PLSCR5: variants seen among roughly 807,000 people sequenced by gnomAD.
PLSCR5 encodes the protein phospholipid scramblase family member 5, also known as phospholipid scramblase family, member 5.
Under a neutral mutation model 33.6 loss-of-function variants are expected in PLSCR5, and 44 were observed. That is an observed-to-expected ratio of 1.31 (90% CI 1.03 to 1.69). The LOEUF is 1.69. Among genes scored for constraint, PLSCR5 ranks in the 40% most tolerant of loss-of-function variants. PLSCR5 has a pLI of 0.00. For missense variants in PLSCR5, 375 were observed against 318.7 expected, an observed-to-expected ratio of 1.18 and a Z score of -1.34; for synonymous variants, 148 against 112.3, an observed-to-expected ratio of 1.32 and a Z score of -2.01.
At chr3:146,596,363 A>G (rs1320814806) in intron 2 of PLSCR5, among the ~76,000 whole-genome samples, 2 of 151,954 alleles carry the variant, frequency 1.3e-5, no homozygotes, top group African/African-American at 4.8e-5. Context: ...TAATTTTCGT[A>G]TTTTTAGTAG....
chr3:146,587,852 T>TTGTATATGTATA (rs143802677), intron 6 of PLSCR5, among the ~76,000 whole-genome samples: 19 of 151,824 alleles, frequency 1.3e-4, no homozygotes, highest in African/African-American at 4.6e-4. Context: ...ATATACATAC[T>TTGTATATGTATA]TGTATATGTA....
chr3:146,603,029 A>G (rs921995612), intron 1 of PLSCR5, among the ~76,000 whole-genome samples: 2 of 152,110 alleles, frequency 1.3e-5, no homozygotes, highest in Non-Finnish European at 2.9e-5. Flanking sequence ...CTCAGTTCAG[A>G]TCACCGTGTT....
At chr3:146,601,119 T>C (rs762877487) in intron 1 of PLSCR5, among the ~76,000 whole-genome samples, 67 of 151,574 alleles carry the variant, frequency 4.4e-4, no homozygotes, top group Non-Finnish European at 6.8e-4. Context: ...CTAAAATTTT[T>C]AGAGAAGACA....
At chr3:146,589,836 T>C (rs771760826) in intron 5 of PLSCR5, 22 bp from the exon 6 acceptor site, 2 of 1,460,998 alleles carry the variant, frequency 1.4e-6, no homozygotes, top group Non-Finnish European at 1.9e-6. Context: ...AAATAAGGAG[T>C]ATTAAATTTG....
At chr3:146,602,631 T>A (rs2044827717) in intron 1 of PLSCR5, among the ~76,000 whole-genome samples, 1 of 152,102 alleles carries the variant, frequency 6.6e-6, no homozygotes, top group Non-Finnish European at 1.5e-5. Flanking sequence ...TTAAAAACCA[T>A]GTGTAGGGAT....
intron 1 of PLSCR5, among the ~76,000 whole-genome samples, chr3:146,603,019 C>T (rs2044832275): frequency 6.6e-6 from 1 of 152,096 alleles, no homozygotes; most frequent in Non-Finnish European, 1.5e-5. Flanking sequence ...ACAGCTCTTG[C>T]TCAGTTCAGA....
intron 5 of PLSCR5, 102 bp from the exon 6 acceptor site, chr3:146,589,916 G>A (rs1026557274): frequency 6.2e-5 from 44 of 710,338 alleles, no homozygotes; most frequent in Non-Finnish European, 9.3e-5. Context: ...TATTTTATTT[G>A]TCATCTTCAA....
rs375134945 is a variant in PLSCR5, at chr3:146,591,893, G to A, written c.454-12C>T. ...GCTTGGATTTCTAACTGTAAGAAGA[G>A]ATAATGATAAAATAAGATTTTCTTA... On this transcript the variant is annotated splice_polypyrimidine_tract_variant and intron_variant, in intron 4 of 7. Transcript: ENST00000443512. The A allele has an allele frequency of 1.3e-6, 2 of 1,561,804 alleles. No homozygotes were observed. The highest frequency in any genetic ancestry group is 1.7e-6 in the Non-Finnish European group (2 of 1,153,740).
At chr3:146,594,443 CA>C (rs1268826080) in intron 3 of PLSCR5, among the ~76,000 whole-genome samples, 1 of 151,830 alleles carries the variant, frequency 6.6e-6, no homozygotes, top group African/African-American at 2.4e-5. Flanking sequence ...ATTTATAGCT[CA>C]AAAAATAATT....
chr3:146,604,982 A>C (rs1203536370), intron 1 of PLSCR5, among the ~76,000 whole-genome samples: 1 of 152,100 alleles, frequency 6.6e-6, no homozygotes, highest in Admixed American at 6.6e-5. Flanking sequence ...GATAACTAAA[A>C]CATCGTTTAC....
At chr3:146,587,865 T>C (rs1165072850) in intron 6 of PLSCR5, among the ~76,000 whole-genome samples, 1 of 151,946 alleles carries the variant, frequency 6.6e-6, no homozygotes, top group Non-Finnish European at 1.5e-5. Context: ...TATATGTATA[T>C]GTATATGTAT....
At chr3:146,578,105 A>T (rs942029150) in intron 7 of PLSCR5, among the ~76,000 whole-genome samples, 1 of 152,124 alleles carries the variant, frequency 6.6e-6, no homozygotes, top group African/African-American at 2.4e-5. Context: ...TGGTTAAGCT[A>T]AAATTAATAT....
chr3:146,601,249 A>G (rs960039106), intron 1 of PLSCR5, among the ~76,000 whole-genome samples: 1 of 151,994 alleles, frequency 6.6e-6, no homozygotes, highest in Non-Finnish European at 1.5e-5. Flanking sequence ...ATAACCCCTA[A>G]TAAGGTGGTA....
intron 1 of PLSCR5, among the ~76,000 whole-genome samples, chr3:146,603,055 C>G (rs1021137465): frequency 6.6e-6 from 1 of 152,066 alleles, no homozygotes; most frequent in Non-Finnish European, 1.5e-5. Context: ...GCAACTTGCT[C>G]TTAAATTGTG....
chr3:146,588,777 TA>T (rs199929759), intron 6 of PLSCR5, among the ~76,000 whole-genome samples: 8,476 of 152,224 alleles, frequency 0.056, 236 homozygotes, highest in African/African-American at 0.061. Flanking sequence ...CTGTGATGTG[TA>T]AAAAAATTCC....
In PLSCR5 at chr3:146,599,389, CAGCT is replaced by C. The variant is rs148096560; in HGVS notation, c.189+895_189+898del. 4.8e-3 allele frequency among the ~76,000 whole-genome samples: 737 copies of C among 152,296 alleles called. 10 individuals carry two copies. The highest frequency in any genetic ancestry group is 0.017 in the African/African-American group (709 of 41,572). On this transcript the variant is annotated intron_variant, in intron 2 of 7. Transcript: ENST00000443512. ...GAGATTCAGTTGAAGACATTGAACTCAGCTCATTGTTGAAGTCTCTCTAGTACTT... is the reference window on the plus strand; with the variant it reads ...GAGATTCAGTTGAAGACATTGAACTCCATTGTTGAAGTCTCTCTAGTACTT...
intron 1 of PLSCR5, among the ~76,000 whole-genome samples, chr3:146,601,696 TAGC>T (rs2044817392): frequency 6.6e-6 from 1 of 152,144 alleles, no homozygotes; most frequent in African/African-American, 2.4e-5. Flanking sequence ...TCCATATAAT[TAGC>T]AGCAAATTAC....
chr3:146,584,401 T>C (rs1332164004), downstream of PLSCR5, among the ~76,000 whole-genome samples: 5 of 152,186 alleles, frequency 3.3e-5, no homozygotes, highest in Admixed American at 3.3e-4. Context: ...AGGTTATGTC[T>C]ATTGCATAAA....
chr3:146,590,987 G>GTTTTTTTTTTTT (rs376959020), intron 5 of PLSCR5, among the ~76,000 whole-genome samples: 1 of 88,094 alleles, frequency 1.1e-5, no homozygotes, highest in Non-Finnish European at 2.3e-5. Context: ...CGAGAATAAG[G>GTTTTTTTTTTTT]TTTTTTTTTG....
Sources: gnomAD v4.1 joint callset for allele counts (sites outside exome capture counted in the v4.1 genomes callset) on GRCh38, gnomAD v4.1.1 for gene constraint, MANE v1.5 for transcripts, NCBI Gene and HGNC (gene_info 2026-07-23, HGNC 2026-07-21) for gene names.